Variants in SLC31A1 observed in about 807,000 individuals in gnomAD.
The protein encoded by SLC31A1 is solute carrier family 31 member 1.
In SLC31A1, 5 loss-of-function variants were observed where a neutral mutation model predicts 17.2. That is an observed-to-expected ratio of 0.29 (90% CI 0.15 to 0.61). The LOEUF is 0.61. Among genes scored for constraint, SLC31A1 ranks in the 20% least tolerant of loss-of-function variants. The probability of loss-of-function intolerance (pLI) is 0.86; values close to 1 mark genes in which losing one functional copy is unlikely to be tolerated. For synonymous variants in SLC31A1, 76 were observed against 78.8 expected (o/e 0.96, Z 0.19); for missense variants, 161 against 241.4 (o/e 0.67, Z 2.21).
intron 1 of SLC31A1, among the ~76,000 whole-genome samples, chr9:113,230,211 TG>T: frequency 6.6e-6 from 1 of 152,336 alleles, no homozygotes; most frequent in Admixed American, 6.5e-5. Flanking sequence ...ACTAATCTTT[TG>T]GGGATTTGTT....
chr9:113,246,932 A>G (rs1352566360), intron 1 of SLC31A1, among the ~76,000 whole-genome samples: 1 of 152,164 alleles, frequency 6.6e-6, no homozygotes, highest in African/African-American at 2.4e-5. Context: ...GAGCCACCGC[A>G]CCCGACCAAG....
Position 113,258,051 on chromosome 9 carries a change from A to C in SLC31A1, c.203-643A>C, listed in dbSNP as rs1328147347. Among the ~76,000 whole-genome samples the C allele has an allele frequency of 6.6e-6, 1 of 152,184 alleles. No individual in the cohort carries two copies. Among genetic ancestry groups the C allele is most frequent in the Non-Finnish European group, 1.5e-5 (1 of 68,038 alleles). ...GCCCACATCCTTCCTGATTCTTGGCACGGCCCATCTTAGACACTCCTAGTT... is the reference window on the plus strand; with the variant it reads ...GCCCACATCCTTCCTGATTCTTGGCCCGGCCCATCTTAGACACTCCTAGTT... On this transcript the variant is annotated intron_variant, in intron 3 of 4. Transcript: ENST00000374212. The surrounding 1 kb of genome is among the most constrained non-coding windows in gnomAD (Gnocchi z 4.8).
intron 1 of SLC31A1, among the ~76,000 whole-genome samples, chr9:113,248,773 G>C (rs77265263): frequency 1.3e-5 from 2 of 151,984 alleles, no homozygotes; most frequent in Non-Finnish European, 2.9e-5. Context: ...GCCACTGTGC[G>C]CAGGCTTGAA....
At chr9:113,234,412 A>C (rs1831432949) in intron 1 of SLC31A1, among the ~76,000 whole-genome samples, 1 of 149,642 alleles carries the variant, frequency 6.7e-6, no homozygotes, top group Non-Finnish European at 1.5e-5. Context: ...CCTGACCTCA[A>C]GTGATCCACC....
chr9:113,228,496 C>T (rs1831366605), intron 1 of SLC31A1, among the ~76,000 whole-genome samples: 1 of 152,156 alleles, frequency 6.6e-6, no homozygotes. Context: ...TTGAGTTGTC[C>T]TATTAGAACC....
chr9:113,263,108 A>T lies in SLC31A1; in HGVS notation c.*2635A>T, dbSNP rs1831812754. 1 of 152,304 alleles carries T rather than the reference A, an allele frequency of 6.6e-6. No individual in the cohort carries two copies. Among genetic ancestry groups the T allele is most frequent in the African/African-American group, 2.4e-5 (1 of 41,454 alleles). 9.4% of individuals were successfully genotyped at this position (152,304 alleles called of 1,614,324 possible). A position where few individuals can be genotyped will look rare whatever the true frequency, so the allele number is the denominator to read the frequency against. ...CTGGAGGTCGAGGCTGCAGTAAGCC[A>T]TGATTGCGCCACTGCACTCAGCCCG... On this transcript the variant is annotated 3_prime_UTR_variant, in exon 5 of 5. Transcript: ENST00000374212.
chr9:113,231,431 G>A (rs1373895591), intron 1 of SLC31A1, among the ~76,000 whole-genome samples: 1 of 152,088 alleles, frequency 6.6e-6, no homozygotes, highest in African/African-American at 2.4e-5. Context: ...GAGCATAATG[G>A]TATGTACCTA....
Position 113,260,371 on chromosome 9 carries a change from C to T in SLC31A1, c.471C>T (p.Asn157=), listed in dbSNP as rs369107456. Reference sequence around the variant, plus strand: ...TCATGCTCATCTTCATGACCTACAACGGGTACCTCTGCATTGCAGTAGCAG... The same window carrying T: ...TCATGCTCATCTTCATGACCTACAATGGGTACCTCTGCATTGCAGTAGCAG... ...YFLMLIFMTY[N]GYLCIAVAAG... is the part of the protein sequence containing the mutation. The change falls in exon 5 of 5, where the codon AAC becomes AAT. Residue 157 remains asparagine, a synonymous_variant. Transcript: ENST00000374212. The T allele has an allele frequency of 5.3e-5, 85 of 1,614,030 alleles. No homozygotes were observed. The highest frequency in any genetic ancestry group is 2.2e-4 in the South Asian group (20 of 91,086).
intron 1 of SLC31A1, among the ~76,000 whole-genome samples, chr9:113,235,959 A>G (rs1359697910): frequency 1.3e-5 from 2 of 152,214 alleles, no homozygotes; most frequent in African/African-American, 4.8e-5. Context: ...GCTAAAGTAT[A>G]TCAATCATTA....
intron 2 of SLC31A1, among the ~76,000 whole-genome samples, 166 bp from the exon 3 acceptor site, chr9:113,256,947 G>T (rs183148120): frequency 6.6e-6 from 1 of 151,950 alleles, no homozygotes; most frequent in Non-Finnish European, 1.5e-5. Flanking sequence ...ACTCATGCTC[G>T]GTGCCTGTGG....
chr9:113,221,659 G>T lies in SLC31A1; in HGVS notation c.-55G>T, dbSNP rs1183257672. On this transcript the variant is annotated 5_prime_UTR_variant, in exon 1 of 5. Transcript: ENST00000374212. ...AGATTCGGAGAGAGAGGTGCTAGTGGCTGGACTTGACCTGGAAAGGTAAGG... is the reference window on the plus strand; with the variant it reads ...AGATTCGGAGAGAGAGGTGCTAGTGTCTGGACTTGACCTGGAAAGGTAAGG... 1 of 330,390 alleles carries T rather than the reference G, an allele frequency of 3.0e-6. No individual in the cohort carries two copies. Among genetic ancestry groups the T allele is most frequent in the African/African-American group, 2.1e-5 (1 of 46,742 alleles). 20.5% of individuals were successfully genotyped at this position (330,390 alleles called of 1,614,324 possible).
intron 1 of SLC31A1, among the ~76,000 whole-genome samples, chr9:113,224,769 G>A (rs1229785987): frequency 2.0e-5 from 3 of 152,214 alleles, no homozygotes; most frequent in Admixed American, 6.5e-5. Context: ...AGCATTCAGT[G>A]TGGTGTTTTA....
At position 113,226,908 on chromosome 9, in the gene SLC31A1, C is replaced by T. The variant is rs1831348047; in HGVS notation, c.-36+5230C>T. 4.6e-5 allele frequency among the ~76,000 whole-genome samples: 7 copies of T among 152,160 alleles called. 1 individual carries two copies. In the South Asian group the frequency reaches 1.4e-3, roughly 32 times the overall value. ...GGAAATGGTGTAACTCATACACCCG[C>T]ATCCTCTCTCCTACCTTTTCTGATG... is the stretch of plus-strand genomic sequence containing the variant. On this transcript the variant is annotated intron_variant, in intron 1 of 4. Transcript: ENST00000374212.
intron 1 of SLC31A1, among the ~76,000 whole-genome samples, chr9:113,250,178 G>GTA (rs1475956781): frequency 7.1e-6 from 1 of 140,532 alleles, no homozygotes; most frequent in Non-Finnish European, 1.6e-5. Context: ...CCATTACTGG[G>GTA]TATATACCCA....
At chr9:113,227,717 C>G (rs1394081360) in intron 1 of SLC31A1, 1 of 152,134 alleles carries the variant, frequency 6.6e-6, no homozygotes, top group East Asian at 1.9e-4. Context: ...TACTCATAGG[C>G]AAACCAACAA....
chr9:113,236,604 C>T (rs955719313), intron 1 of SLC31A1, among the ~76,000 whole-genome samples: 8 of 149,820 alleles, frequency 5.3e-5, no homozygotes, highest in Non-Finnish European at 1.0e-4. Context: ...CCTCGTGATC[C>T]GCCCACCTTG....
chr9:113,253,224 G>A (rs1023544372), intron 1 of SLC31A1, among the ~76,000 whole-genome samples: 9 of 151,982 alleles, frequency 5.9e-5, no homozygotes, highest in African/African-American at 1.7e-4. Context: ...CAAAGTGCTC[G>A]GATTACAAGC....
chr9:113,233,844 C>G (rs890718565), intron 1 of SLC31A1, among the ~76,000 whole-genome samples: 6 of 152,296 alleles, frequency 3.9e-5, no homozygotes, highest in African/African-American at 1.4e-4. Context: ...TTAATAATTG[C>G]ACAATGTATA....
At chr9:113,251,429 A>T (rs544663125) in intron 1 of SLC31A1, among the ~76,000 whole-genome samples, 90 of 148,762 alleles carry the variant, frequency 6.0e-4, no homozygotes, top group Middle Eastern at 3.5e-3. Flanking sequence ...CTAAAAAAAT[A>T]AAAAATAAAA....
Sources: allele counts gnomAD v4.1 joint callset (sites outside exome capture counted in the v4.1 genomes callset), GRCh38; gene constraint gnomAD v4.1.1; non-coding constraint Gnocchi (gnomAD v3.1); transcripts MANE v1.5; gene names NCBI Gene and HGNC (gene_info 2026-07-23, HGNC 2026-07-21).